Variants in MACROD2 observed in about 807,000 individuals in gnomAD.
The protein encoded by MACROD2 is mono-ADP ribosylhydrolase 2, also known as ADP-ribose glycohydrolase MACROD2.
A neutral mutation model predicts 70.4 loss-of-function variants in MACROD2; 36 were observed. The ratio of observed to expected loss-of-function variants is 0.51; its 90% confidence interval spans 0.39 to 0.68. The LOEUF (loss-of-function observed/expected upper bound fraction) is 0.68. Ranked by LOEUF, MACROD2 falls within the 30% of genes least tolerant of loss-of-function variation. MACROD2 has a pLI of 0.00. For synonymous variants in MACROD2, 172 were observed against 178.8 expected, an observed-to-expected ratio of 0.96 and a Z score of 0.30; for missense variants, 496 against 538.4, an observed-to-expected ratio of 0.92 and a Z score of 0.78.
chr20:14,631,488 G>T (rs1374860744), intron 4 of MACROD2, among the ~76,000 whole-genome samples: 2 of 152,016 alleles, frequency 1.3e-5, no homozygotes, highest in Admixed American at 6.6e-5. Flanking sequence ...AAGAAAAACC[G>T]GGCCGGGCAC....
intron 5 of MACROD2, among the ~76,000 whole-genome samples, chr20:15,078,357 C>T (rs1435017948): frequency 6.6e-6 from 1 of 152,140 alleles, no homozygotes; most frequent in Non-Finnish European, 1.5e-5. Flanking sequence ...AGAGGCTACC[C>T]AATTTTTCTC....
chr20:14,396,924 C>CAAAA lies in MACROD2; in HGVS notation c.272-96542_272-96539dup, dbSNP rs373227803. Among the ~76,000 whole-genome samples, 29 of 82,612 alleles carry CAAAA rather than the reference C, an allele frequency of 3.5e-4. 1 individual carries two copies. Among genetic ancestry groups the CAAAA allele is most frequent in the South Asian group, 5.5e-4 (1 of 1,808 alleles). The allele number at this position is 82,612 out of a possible 152,430, so 54.2% of individuals were successfully genotyped here. A position where few individuals can be genotyped will look rare whatever the true frequency, so the allele number is the denominator to read the frequency against. On this transcript the variant is annotated intron_variant, in intron 3 of 17. Coordinates refer to ENST00000684519, the MANE Select transcript of MACROD2 (RefSeq NM_001351661.2). The stretch of plus-strand genomic sequence containing the variant: ...TGGACGACAGAGCGAGACTCCATCT[C>CAAAA]AAAAAAAAAAAAAAAATCCAATCTG...
chr20:15,438,782 G>T (rs574511023), intron 7 of MACROD2, among the ~76,000 whole-genome samples: 3 of 152,284 alleles, frequency 2.0e-5, no homozygotes, highest in Admixed American at 2.0e-4. Context: ...GCCTAGCAAA[G>T]CACTGTGTCT....
intron 3 of MACROD2, among the ~76,000 whole-genome samples, chr20:14,108,504 T>C (rs993619241): frequency 1.3e-5 from 2 of 149,308 alleles, no homozygotes; most frequent in African/African-American, 4.9e-5. Flanking sequence ...AGACCCAATG[T>C]CTGTTGCCTA....
intron 10 of MACROD2, among the ~76,000 whole-genome samples, chr20:15,909,051 C>G (rs2065192602): frequency 6.6e-6 from 1 of 152,220 alleles, no homozygotes; most frequent in Non-Finnish European, 1.5e-5. Flanking sequence ...CTCTGCTCTA[C>G]TCAGCATTGG....
intron 8 of MACROD2, among the ~76,000 whole-genome samples, chr20:15,615,327 T>C (rs889576648): frequency 6.6e-6 from 1 of 152,082 alleles, no homozygotes; most frequent in African/African-American, 2.4e-5. Context: ...AAGAGGAATT[T>C]TCAGAGATGA....
chr20:15,597,230 GGCCATTCCAAGAAAGTCAA>G (rs2048757773), intron 8 of MACROD2, among the ~76,000 whole-genome samples: 1 of 152,214 alleles, frequency 6.6e-6, no homozygotes, highest in African/African-American at 2.4e-5. Context: ...GCTTCAGTAA[GGCCATTCCAAGAAAGTCAA>G]AAACTTTCCT....
At chr20:14,562,517 G>T (rs1979503240) in intron 4 of MACROD2, among the ~76,000 whole-genome samples, 1 of 55,874 alleles carries the variant, frequency 1.8e-5, no homozygotes, top group Non-Finnish European at 3.3e-5. Context: ...GCAAAAGGAT[G>T]ATTGCACCCA....
intron 5 of MACROD2, among the ~76,000 whole-genome samples, chr20:14,885,123 T>C (rs1318399165): frequency 6.6e-6 from 1 of 152,132 alleles, no homozygotes; most frequent in Non-Finnish European, 1.5e-5. Flanking sequence ...CTACCTGTCA[T>C]TGAGAGGAGT....
intron 3 of MACROD2, among the ~76,000 whole-genome samples, chr20:14,201,769 G>A (rs1204880292): frequency 6.6e-6 from 1 of 151,668 alleles, no homozygotes; most frequent in Non-Finnish European, 1.5e-5. Context: ...AGCCCAGGAG[G>A]TGGAGGTTGC....
At chr20:14,888,303 A>T (rs1489788002) in intron 5 of MACROD2, 1 of 152,266 alleles carries the variant, frequency 6.6e-6, no homozygotes, top group Non-Finnish European at 1.5e-5. Context: ...TTCTGCTCCA[A>T]GCTGCTGAGA....
intron 5 of MACROD2, among the ~76,000 whole-genome samples, chr20:15,203,140 T>C (rs543396305): frequency 9.2e-5 from 14 of 152,306 alleles, no homozygotes; most frequent in Admixed American, 5.2e-4. Context: ...TTTTAAAATA[T>C]CTGATGCCAC....
At chr20:14,155,078 T>TAAG (rs2055081266) in intron 3 of MACROD2, among the ~76,000 whole-genome samples, 1 of 152,154 alleles carries the variant, frequency 6.6e-6, no homozygotes, top group African/African-American at 2.4e-5. Flanking sequence ...TGAGTTAGAG[T>TAAG]AAGAGTACTT....
At chr20:14,883,172 C>A (rs1243353545) in intron 5 of MACROD2, among the ~76,000 whole-genome samples, 1 of 152,078 alleles carries the variant, frequency 6.6e-6, no homozygotes, top group Non-Finnish European at 1.5e-5. Flanking sequence ...TGCAACAACC[C>A]ATTTCCTAAA....
At chr20:15,666,490 A>G (rs2049899617) in intron 8 of MACROD2, among the ~76,000 whole-genome samples, 1 of 152,198 alleles carries the variant, frequency 6.6e-6, no homozygotes, top group Non-Finnish European at 1.5e-5. Flanking sequence ...CCAAATGTTA[A>G]GAAAATTGTT....
chr20:15,113,424 T>C (rs1265983557), intron 5 of MACROD2, among the ~76,000 whole-genome samples: 1 of 152,152 alleles, frequency 6.6e-6, no homozygotes, highest in African/African-American at 2.4e-5. Flanking sequence ...AAAAGTCATA[T>C]TGAATAAAGG....
intron 3 of MACROD2, among the ~76,000 whole-genome samples, chr20:14,156,383 G>C (rs1400074372): frequency 6.6e-6 from 1 of 152,080 alleles, no homozygotes; most frequent in Non-Finnish European, 1.5e-5. Context: ...TTGCGGTATT[G>C]CTTAACTATG....
chr20:14,078,014 T>G (rs6033879), intron 2 of MACROD2, among the ~76,000 whole-genome samples: 33,728 of 151,508 alleles, frequency 0.22, 3,951 homozygotes, highest in African/African-American at 0.29. Flanking sequence ...GCGATTCTCC[T>G]GCCTCAGCCT....
At chr20:15,087,600 G>A (rs573346864) in intron 5 of MACROD2, among the ~76,000 whole-genome samples, 17 of 151,986 alleles carry the variant, frequency 1.1e-4, no homozygotes, top group Non-Finnish European at 1.9e-4. Flanking sequence ...ATATTTAAAT[G>A]TAAAACATAA....
Sources: allele counts gnomAD v4.1 joint callset (sites outside exome capture counted in the v4.1 genomes callset), GRCh38; gene constraint gnomAD v4.1.1; transcripts MANE v1.5; gene names NCBI Gene and HGNC (gene_info 2026-07-23, HGNC 2026-07-21).